Variants in LY9 observed in about 807,000 individuals in gnomAD.
LY9 encodes the protein T-lymphocyte surface antigen Ly-9.
LY9 carries 59 observed loss-of-function variants against 64.6 expected under a neutral mutation model. That is an observed-to-expected ratio of 0.91 (90% CI 0.74 to 1.13). LY9 has a LOEUF of 1.13. Among genes scored for constraint, LY9 ranks in the 50% most tolerant of loss-of-function variants. The pLI, the probability that LY9 is intolerant of heterozygous loss-of-function variation, is 0.00. For missense variants in LY9, 789 were observed against 797.2 expected, an observed-to-expected ratio of 0.99 and a Z score of 0.12; for synonymous variants, 281 against 308.5, an observed-to-expected ratio of 0.91 and a Z score of 0.93.
intron 9 of LY9, among the ~76,000 whole-genome samples, chr1:160,826,982 C>A (rs1351653935): frequency 2.0e-5 from 3 of 152,200 alleles, no homozygotes; most frequent in African/African-American, 7.2e-5. Context: ...ACACACTACC[C>A]TGGAGACTGA....
chr1:160,827,645 G>A (rs1191538543), intron 9 of LY9, 103 bp from the exon 10 acceptor site: 2 of 851,808 alleles, frequency 2.3e-6, no homozygotes, highest in Non-Finnish European at 3.7e-6. Flanking sequence ...CTCTACTTCT[G>A]TAGGATGGAC....
intron 5 of LY9, among the ~76,000 whole-genome samples, chr1:160,817,265 T>G (rs1668031523): frequency 6.6e-6 from 1 of 152,238 alleles, no homozygotes; most frequent in African/African-American, 2.4e-5. Flanking sequence ...ATATTCAGAC[T>G]TCGTAAAATT....
In LY9 at chr1:160,823,445, C is replaced by A; in HGVS notation, c.1499-20C>A. The A allele has an allele frequency of 3.8e-6, 6 of 1,587,240 alleles. No homozygotes were observed. The South Asian group carries it at 5.6e-5, about 15-fold the overall frequency. On this transcript the variant is annotated intron_variant, in intron 7 of 9. Transcript: ENST00000263285. The stretch of plus-strand genomic sequence containing the variant: ...GGTGGGGTTGGCATACTTTTATCAG[C>A]CCTGCACAATGTGTTCCAGAACCCA...
intron 7 of LY9, among the ~76,000 whole-genome samples, chr1:160,821,538 T>C (rs1017543018): frequency 2.0e-5 from 3 of 152,254 alleles, no homozygotes; most frequent in Non-Finnish European, 4.4e-5. Context: ...TTGTTACTTC[T>C]TTCCTAAAAT....
chr1:160,813,428 T>A (rs1420011688), intron 2 of LY9: 1 of 592,036 alleles, frequency 1.7e-6, no homozygotes, highest in East Asian at 2.8e-5. Flanking sequence ...TTAGTCATGC[T>A]GAGTCATGGT....
intron 2 of LY9, chr1:160,813,092 A>C (rs1667645262): frequency 6.3e-6 from 1 of 158,334 alleles, no homozygotes; most frequent in Admixed American, 5.9e-5. Flanking sequence ...CTCAAAAAAG[A>C]AATATAACTT....
intron 8 of LY9, among the ~76,000 whole-genome samples, 166 bp downstream of exon 8, chr1:160,823,962 C>A (rs1427022454): frequency 1.3e-5 from 2 of 152,124 alleles, no homozygotes; most frequent in Non-Finnish European, 2.9e-5. Context: ...ACCTTGGGAT[C>A]CTGTGGAACG....
At chr1:160,825,617 A>T (rs903886007) in intron 9 of LY9, among the ~76,000 whole-genome samples, 1 of 152,184 alleles carries the variant, frequency 6.6e-6, no homozygotes, top group African/African-American at 2.4e-5. Context: ...AATATTTTTT[A>T]AAAAACTCTC....
chr1:160,816,050 C>G (rs757521065), intron 4 of LY9, among the ~76,000 whole-genome samples: 1 of 152,178 alleles, frequency 6.6e-6, no homozygotes, highest in Non-Finnish European at 1.5e-5. Context: ...ATGCCTATTG[C>G]ACACAATGCC....
At chr1:160,805,764 C>G (rs957536612) in intron 2 of LY9, among the ~76,000 whole-genome samples, 13 of 148,352 alleles carry the variant, frequency 8.8e-5, no homozygotes, top group African/African-American at 3.0e-4. Flanking sequence ...CACACACACA[C>G]ACACACACAC....
At chr1:160,819,229 G>A (rs1408962906) in intron 6 of LY9, 92 bp from the exon 7 acceptor site, 1 of 955,932 alleles carries the variant, frequency 1.0e-6, no homozygotes, top group Non-Finnish European at 1.7e-6. Context: ...TGTCCCAGAA[G>A]TCTCTCCCCT....
chr1:160,807,230 T>C (rs1570994439), intron 2 of LY9, among the ~76,000 whole-genome samples: 1 of 152,240 alleles, frequency 6.6e-6, no homozygotes, highest in East Asian at 1.9e-4. Context: ...GGAGGTCTTT[T>C]TCCTGAATAT....
chr1:160,799,066 T>C (rs371389624), intron 1 of LY9: 9 of 152,342 alleles, frequency 5.9e-5, no homozygotes, highest in African/African-American at 2.2e-4. Context: ...AGGAACTGTA[T>C]TAGTACCACC....
chr1:160,825,501 T>C (rs577611605), intron 9 of LY9, among the ~76,000 whole-genome samples: 2 of 152,338 alleles, frequency 1.3e-5, no homozygotes, highest in South Asian at 4.1e-4. Flanking sequence ...TAATTCACCT[T>C]GATCTGGCTG....
chr1:160,821,595 A>G (rs1317712109), intron 7 of LY9, among the ~76,000 whole-genome samples: 1 of 152,168 alleles, frequency 6.6e-6, no homozygotes, highest in Non-Finnish European at 1.5e-5. Context: ...CACTTTGCCA[A>G]GCTCAACTCT....
Position 160,818,275 on chromosome 1 carries a change from G to A in LY9, c.1400G>A (p.Cys467Tyr), listed in dbSNP as rs746660443. The change falls in exon 6 of 10, where the codon TGC (cysteine) becomes TAC (tyrosine). Residue 467 changes from cysteine to tyrosine, a missense_variant. Cys to Tyr is a radical substitution (Grantham distance 194). Transcript: ENST00000263285. ...IGLFLMVCLL[C>Y]VGIFSWCIWK... ...TTGTTCCTGATGGTTTGCCTTCTGT[G>A]CGTTGGGATCTTCAGCTGGTGCATT... 1.2e-6 allele frequency: 2 copies of A among 1,614,116 alleles called. No homozygotes were observed. The highest frequency in any genetic ancestry group is 2.2e-5 in the South Asian group (2 of 91,062).
chr1:160,827,192 T>A (rs1396629856), intron 9 of LY9, among the ~76,000 whole-genome samples: 1 of 152,230 alleles, frequency 6.6e-6, no homozygotes, highest in Non-Finnish European at 1.5e-5. Flanking sequence ...TACCTCTCTG[T>A]ACAACATCTC....
intron 9 of LY9, 46 bp downstream of exon 9, chr1:160,824,295 G>T: frequency 6.2e-7 from 1 of 1,611,496 alleles, no homozygotes; most frequent in South Asian, 1.1e-5. Context: ...ACAGAGTGAG[G>T]AACTATTCCT....
chr1:160,824,670 G>C, intron 9 of LY9: 1 of 981,784 alleles, frequency 1.0e-6, no homozygotes, highest in Non-Finnish European at 1.2e-6. Flanking sequence ...CAGTACATTA[G>C]TTTTATTCTA....
Sources: allele counts gnomAD v4.1 joint callset (sites outside exome capture counted in the v4.1 genomes callset), GRCh38; gene constraint gnomAD v4.1.1; transcripts MANE v1.5; gene names NCBI Gene and HGNC (gene_info 2026-07-23, HGNC 2026-07-21).